SNTG1: variants seen among roughly 807,000 people sequenced by gnomAD.
SNTG1 encodes syntrophin gamma 1, also known as gamma-1-syntrophin.
SNTG1 carries 39 observed loss-of-function variants against 74.7 expected under a neutral mutation model. The ratio of observed to expected loss-of-function variants is 0.52; its 90% CI spans 0.40 to 0.68. The LOEUF (loss-of-function observed/expected upper bound fraction) is 0.68, where lower values mean the gene tolerates loss of function less well. Among genes scored for constraint, SNTG1 ranks in the 30% least tolerant of loss-of-function variants. SNTG1 has a pLI of 0.00. For missense variants in SNTG1, 685 were observed against 609.5 expected (o/e 1.12, Z -1.30); for synonymous variants, 254 against 217.1 (o/e 1.17, Z -1.49).
Position 50,710,865 on chromosome 8 carries a change from C to T in SNTG1, c.1284+1887C>T, listed in dbSNP as rs904764637. On this transcript the variant is annotated intron_variant, in intron 17 of 18. Coordinates refer to ENST00000642720, the MANE Select transcript of SNTG1 (RefSeq NM_018967.5). ...GTCCAAGCTTGATACTCAAGGAAAGCACCAGAGGCCTTCAGGAATAGTAGT... is the reference window on the plus strand; with the variant it reads ...GTCCAAGCTTGATACTCAAGGAAAGTACCAGAGGCCTTCAGGAATAGTAGT... 4.6e-5 allele frequency among the ~76,000 whole-genome samples: 7 copies of T among 152,276 alleles called. No individual in the cohort carries two copies. In the East Asian group the frequency reaches 1.4e-3, roughly 29 times the overall value.
intron 1 of SNTG1, among the ~76,000 whole-genome samples, chr8:49,952,938 G>T (rs1809851030): frequency 6.6e-6 from 1 of 152,196 alleles, no homozygotes; most frequent in Admixed American, 6.5e-5. Context: ...GGCATAGGCA[G>T]AAATCAATTG....
intron 2 of SNTG1, among the ~76,000 whole-genome samples, chr8:50,242,042 GATAC>G (rs1460395979): frequency 6.6e-6 from 1 of 151,546 alleles, no homozygotes; most frequent in Non-Finnish European, 1.5e-5. Context: ...TCACTAGATA[GATAC>G]ATAGATAGAT....
intron 13 of SNTG1, among the ~76,000 whole-genome samples, chr8:50,630,742 C>T (rs187232130): frequency 6.6e-6 from 1 of 152,208 alleles, no homozygotes; most frequent in Admixed American, 6.5e-5. Context: ...CCCAAGAAGA[C>T]AGATGAAGAA....
intron 2 of SNTG1, among the ~76,000 whole-genome samples, chr8:50,333,715 CT>C (rs1302989565): frequency 6.6e-6 from 1 of 152,154 alleles, no homozygotes; most frequent in Non-Finnish European, 1.5e-5. Context: ...GAACCAAAAT[CT>C]TTATGAGGCC....
rs532760418 is a variant in SNTG1, at chr8:50,171,105, A to G, written c.-102-1456A>G. ...GAATCTTAGAACAGGAGTGAAATCCACAACTGCCACAAGTCCAGTCCACAG... is the reference window on the plus strand; with the variant it reads ...GAATCTTAGAACAGGAGTGAAATCCGCAACTGCCACAAGTCCAGTCCACAG... On this transcript the variant is annotated intron_variant, in intron 1 of 18. Coordinates refer to ENST00000642720, the MANE Select transcript of SNTG1 (RefSeq NM_018967.5). 1.0e-3 allele frequency among the ~76,000 whole-genome samples: 157 copies of G among 152,282 alleles called. 1 individual carries two copies. Among genetic ancestry groups the G allele is most frequent in the Non-Finnish European group, 1.3e-3 (91 of 68,034 alleles).
intron 2 of SNTG1, among the ~76,000 whole-genome samples, chr8:50,267,910 C>T (rs1283476011): frequency 2.0e-5 from 3 of 152,104 alleles, no homozygotes; most frequent in African/African-American, 7.2e-5. Flanking sequence ...ACATGCTCAC[C>T]ACTTTTATTC....
chr8:50,438,846 TTGTC>T (rs1382763773), intron 5 of SNTG1, among the ~76,000 whole-genome samples: 6 of 152,308 alleles, frequency 3.9e-5, no homozygotes, highest in Middle Eastern at 3.4e-3. Flanking sequence ...TTAACTTTCT[TTGTC>T]TGGTTTTTCT....
At position 50,672,532 on chromosome 8, in the gene SNTG1, G is replaced by A. The variant is rs2095289275; in HGVS notation, c.1038+13869G>A. 2.3e-4 allele frequency among the ~76,000 whole-genome samples: 4 copies of A among 17,408 alleles called. No homozygotes were observed. The South Asian group carries it at 6.0e-3, about 26-fold the overall frequency. The allele number at this position is 17,408 out of a possible 152,430, so 11.4% of individuals were successfully genotyped here. A position where few individuals can be genotyped will look rare whatever the true frequency, so the allele number is the denominator to read the frequency against. ...CCTCTGCACACTTTTTGATGGGGTTGTTTGTTTTTTTTCTTGTAAATTTGT... is the reference window on the plus strand; with the variant it reads ...CCTCTGCACACTTTTTGATGGGGTTATTTGTTTTTTTTCTTGTAAATTTGT... On this transcript the variant is annotated intron_variant, in intron 15 of 18. Coordinates refer to ENST00000642720, the MANE Select transcript of SNTG1 (RefSeq NM_018967.5).
At chr8:49,921,695 T>C (rs548112898) in intron 1 of SNTG1, among the ~76,000 whole-genome samples, 20 of 152,240 alleles carry the variant, frequency 1.3e-4, no homozygotes, top group Admixed American at 1.0e-3. Flanking sequence ...GGTCTAGTGA[T>C]TGGAATTATA....
At chr8:50,735,334 G>A (rs1009537876) in intron 17 of SNTG1, among the ~76,000 whole-genome samples, 1 of 151,634 alleles carries the variant, frequency 6.6e-6, no homozygotes, top group East Asian at 1.9e-4. Flanking sequence ...CAATCTAAAG[G>A]AGCATGTTCT....
rs938218662 is a variant in SNTG1, at chr8:50,442,226, C to A, written c.219+3627C>A. 6.6e-5 allele frequency among the ~76,000 whole-genome samples: 10 copies of A among 152,172 alleles called. No homozygotes were observed. The East Asian group carries it at 1.7e-3, about 26-fold the overall frequency. ...CTGGTTGTGCTACTTTCTCTGCTTT[C>A]TTGTCTCATTCTACAGTTATTCTTT... On this transcript the variant is annotated intron_variant, in intron 5 of 18. Transcript: ENST00000642720.
At chr8:50,687,875 G>A (rs576059519) in intron 15 of SNTG1, among the ~76,000 whole-genome samples, 2 of 152,222 alleles carry the variant, frequency 1.3e-5, no homozygotes, top group South Asian at 4.2e-4. Flanking sequence ...CCCACCAATG[G>A]TGTAAAAGTG....
intron 4 of SNTG1, among the ~76,000 whole-genome samples, chr8:50,421,369 T>G (rs2093084877): frequency 6.6e-6 from 1 of 152,212 alleles, no homozygotes; most frequent in Non-Finnish European, 1.5e-5. Context: ...CTTCCCCTTT[T>G]AAACAATACA....
chr8:49,951,038 C>G (rs1809653423), intron 1 of SNTG1, among the ~76,000 whole-genome samples: 1 of 152,172 alleles, frequency 6.6e-6, no homozygotes, highest in South Asian at 2.1e-4. Flanking sequence ...CCCTTACAAT[C>G]TTAGGGTTGG....
chr8:50,657,779 T>C (rs991682689), intron 14 of SNTG1, among the ~76,000 whole-genome samples: 2 of 152,154 alleles, frequency 1.3e-5, no homozygotes, highest in Non-Finnish European at 2.9e-5. Flanking sequence ...TCTTCTATTA[T>C]ATTCTATATC....
intron 2 of SNTG1, among the ~76,000 whole-genome samples, chr8:50,392,887 T>C (rs961360607): frequency 6.6e-6 from 1 of 152,130 alleles, no homozygotes; most frequent in Non-Finnish European, 1.5e-5. Context: ...TATATTTAGA[T>C]GGTTCAGTAT....
chr8:50,558,524 T>C (rs1233968856), intron 12 of SNTG1, among the ~76,000 whole-genome samples: 1 of 152,210 alleles, frequency 6.6e-6, no homozygotes, highest in Non-Finnish European at 1.5e-5. Flanking sequence ...TTTTTACTTC[T>C]TTCAAAAAAG....
intron 1 of SNTG1, among the ~76,000 whole-genome samples, chr8:50,133,324 A>T (rs1376859024): frequency 6.6e-6 from 1 of 152,130 alleles, no homozygotes; most frequent in South Asian, 2.1e-4. Flanking sequence ...TAATGTCCAT[A>T]TTTCTAACAT....
intron 1 of SNTG1, among the ~76,000 whole-genome samples, chr8:50,075,872 A>G (rs1181625200): frequency 6.6e-6 from 1 of 152,088 alleles, no homozygotes; most frequent in Non-Finnish European, 1.5e-5. Flanking sequence ...AACCCACCAG[A>G]AGGAAGAAAC....
Sources: allele counts gnomAD v4.1 joint callset (sites outside exome capture counted in the v4.1 genomes callset), GRCh38; gene constraint gnomAD v4.1.1; transcripts MANE v1.5; gene names NCBI Gene and HGNC (gene_info 2026-07-23, HGNC 2026-07-21).